FLT1: variants seen among roughly 807,000 people sequenced by gnomAD.
FLT1 encodes the protein vascular endothelial growth factor receptor 1.
A neutral mutation model predicts 156.3 loss-of-function variants in FLT1; 49 were observed. The ratio of observed to expected loss-of-function variants is 0.31; its 90% CI spans 0.25 to 0.40. The LOEUF is 0.40. Ranked by LOEUF, FLT1 falls within the 10% of genes least tolerant of loss-of-function variation. FLT1 has a pLI of 1.00. For synonymous variants in FLT1, 594 were observed against 583.8 expected, an observed-to-expected ratio of 1.02 and a Z score of -0.25; for missense variants, 1,322 against 1,637.2, an observed-to-expected ratio of 0.81 and a Z score of 3.32.
chr13:28,458,906 G>C (rs1879412626), intron 3 of FLT1, among the ~76,000 whole-genome samples: 1 of 152,202 alleles, frequency 6.6e-6, no homozygotes, highest in South Asian at 2.1e-4. Flanking sequence ...CCAGGATGTA[G>C]AGGGGTCTAT....
At position 28,349,470 on chromosome 13, in the gene FLT1, GCA is replaced by G. The variant is rs142131155; in HGVS notation, c.2249-3921_2249-3920del. 1.0e-3 allele frequency among the ~76,000 whole-genome samples: 152 copies of G among 145,184 alleles called. 1 individual carries two copies. Among genetic ancestry groups the G allele is most frequent in the African/African-American group, 3.6e-3 (142 of 39,282 alleles). ...CACACACACACACACATGCGCACAC[GCA>G]CACACACACACACGCACACATTCTT... is the stretch of plus-strand genomic sequence containing the variant. On this transcript the variant is annotated intron_variant, in intron 15 of 29. Transcript: ENST00000282397.
chr13:28,402,189 C>T (rs1000738819), intron 11 of FLT1, among the ~76,000 whole-genome samples: 14 of 152,262 alleles, frequency 9.2e-5, no homozygotes, highest in African/African-American at 2.6e-4. Context: ...GGTGCTCCAG[C>T]GTGAGTGTGA....
chr13:28,300,467 G>C lies in FLT1; in HGVS notation c.*2700C>G, dbSNP rs1319074125. On this transcript the variant is annotated 3_prime_UTR_variant, in exon 30 of 30. Coordinates refer to ENST00000282397, the MANE Select transcript of FLT1 (RefSeq NM_002019.4). ...GCATATATTCTTGGTTTGTATAAAA[G>C]TAACTTTAAAATTCCAGTTTCCTTA... 4.3e-6 allele frequency: 1 copy of C among 231,730 alleles called. No homozygotes were observed. Among genetic ancestry groups the C allele is most frequent in the Admixed American group, 5.7e-5 (1 of 17,696 alleles). 14.4% of individuals were successfully genotyped at this position (231,730 alleles called of 1,614,324 possible). A position where few individuals can be genotyped will look rare whatever the true frequency, so the allele number is the denominator to read the frequency against.
intron 14 of FLT1, among the ~76,000 whole-genome samples, chr13:28,372,150 T>C (rs571785692): frequency 3.6e-4 from 51 of 143,444 alleles, no homozygotes; most frequent in African/African-American, 1.3e-3. Context: ...GGAGCCATCT[T>C]GGCTCACTGC....
At chr13:28,431,467 A>G (rs1273539193) in intron 6 of FLT1, among the ~76,000 whole-genome samples, 157 bp from the exon 7 acceptor site, 1 of 152,236 alleles carries the variant, frequency 6.6e-6, no homozygotes, top group Non-Finnish European at 1.5e-5. Context: ...TTTGGAAACT[A>G]CATCTGTGTC....
At position 28,381,599 on chromosome 13, in the gene FLT1, G is replaced by T. The variant is rs796242815; in HGVS notation, c.2116+3286C>A. ...AACAAAACAAAAACAAAAAAACTTA[G>T]TACAGTTTACCAATTTCTTTCACAA... On this transcript the variant is annotated intron_variant, in intron 14 of 29. Coordinates refer to ENST00000282397, the MANE Select transcript of FLT1 (RefSeq NM_002019.4). 7.2e-5 allele frequency among the ~76,000 whole-genome samples: 11 copies of T among 152,122 alleles called. 1 individual carries two copies. Among genetic ancestry groups the T allele is most frequent in the African/African-American group, 2.4e-4 (10 of 41,516 alleles).
At chr13:28,413,279 G>A (rs1876427928) in intron 10 of FLT1, among the ~76,000 whole-genome samples, 1 of 152,086 alleles carries the variant, frequency 6.6e-6, no homozygotes, top group South Asian at 2.1e-4. Flanking sequence ...TTCACACTCA[G>A]AACATGGCCC....
At chr13:28,490,091 C>G (rs1048807726) in intron 1 of FLT1, among the ~76,000 whole-genome samples, 3 of 152,170 alleles carry the variant, frequency 2.0e-5, no homozygotes, top group African/African-American at 7.2e-5. Context: ...AGGTTCTGTT[C>G]CTAGGCCTGC....
intron 13 of FLT1, chr13:28,389,371 C>T (rs1031934476): frequency 7.9e-6 from 10 of 1,263,586 alleles, no homozygotes; most frequent in Middle Eastern, 3.0e-4. Context: ...GCAGCTTCAA[C>T]ACTTAAAAAT....
In FLT1 at chr13:28,362,355, A is replaced by G. The variant is rs146555025; in HGVS notation, c.2117-4670T>C. On this transcript the variant is annotated intron_variant, in intron 14 of 29. Transcript: ENST00000282397. ...GCATTGAAGCTTTGAGAAGTATAAGATATAGTACAAGTGGCAATCACAGAA... is the reference window on the plus strand; with the variant it reads ...GCATTGAAGCTTTGAGAAGTATAAGGTATAGTACAAGTGGCAATCACAGAA... Among the ~76,000 whole-genome samples the G allele has an allele frequency of 2.1e-3, 324 of 152,354 alleles. 2 individuals are homozygous for G. Among genetic ancestry groups the G allele is most frequent in the Non-Finnish European group, 2.2e-3 (147 of 68,038 alleles).
At chr13:28,426,130 C>CTTTTT (rs113958200) in intron 10 of FLT1, among the ~76,000 whole-genome samples, 2 of 131,124 alleles carry the variant, frequency 1.5e-5, no homozygotes, top group African/African-American at 5.6e-5. Flanking sequence ...TCCTGTCAAT[C>CTTTTT]TTTTTTTTTT....
intron 14 of FLT1, chr13:28,368,452 A>G (rs1873392009): frequency 6.7e-7 from 1 of 1,483,560 alleles, no homozygotes; most frequent in Non-Finnish European, 8.9e-7. Flanking sequence ...ATGCCCGGCC[A>G]TTTGTTATTG....
chr13:28,321,475 C>A lies in FLT1; in HGVS notation c.3162G>T (p.Val1054=). 6.2e-7 allele frequency: 1 copy of A among 1,614,110 alleles called. No homozygotes were observed. Among genetic ancestry groups the A allele is most frequent in the Non-Finnish European group, 8.5e-7 (1 of 1,180,014 alleles). The part of the protein sequence containing the change: ...ARDIYKNPDY[V]RKGDTRLPLK... The stretch of plus-strand genomic sequence containing the variant: ...CAAACTGACTTACATCTCCTTTTCT[C>A]ACATAATCGGGGTTCTTATAAATAT... Residue 1054 remains valine, a synonymous_variant, in exon 23 of 30, where the codon GTG becomes GTT. Coordinates refer to ENST00000282397, the MANE Select transcript of FLT1 (RefSeq NM_002019.4).
At chr13:28,461,329 C>T (rs1470402800) in intron 3 of FLT1, among the ~76,000 whole-genome samples, 8 of 152,126 alleles carry the variant, frequency 5.3e-5, no homozygotes, top group East Asian at 1.9e-4. Context: ...ACAACTAGCT[C>T]GTAGTTTGAT....
intron 3 of FLT1, among the ~76,000 whole-genome samples, chr13:28,442,937 T>A (rs753436917): frequency 3.9e-5 from 6 of 152,210 alleles, no homozygotes; most frequent in African/African-American, 7.2e-5. Context: ...ACATCTGTCT[T>A]TGTCACAAAA....
intron 3 of FLT1, among the ~76,000 whole-genome samples, chr13:28,446,958 T>C (rs1275448296): frequency 6.6e-6 from 1 of 152,046 alleles, no homozygotes; most frequent in Admixed American, 6.6e-5. Flanking sequence ...TGGAATAGAA[T>C]TGAGACTCCA....
At chr13:28,385,489 G>GT (rs558529899) in intron 13 of FLT1, 3 of 1,009,214 alleles carry the variant, frequency 3.0e-6, no homozygotes, top group Non-Finnish European at 3.6e-6. Flanking sequence ...GTGGGGGCGT[G>GT]TTTGTGTTAC....
At chr13:28,308,522 G>A (rs1870847868) in intron 28 of FLT1, 1 of 384,138 alleles carries the variant, frequency 2.6e-6, no homozygotes, top group Non-Finnish European at 5.0e-6. Context: ...CACACAGCTG[G>A]GAGTTCCTCT....
chr13:28,326,089 T>G (rs1289197560), intron 20 of FLT1, among the ~76,000 whole-genome samples: 1 of 152,152 alleles, frequency 6.6e-6, no homozygotes, highest in East Asian at 1.9e-4. Context: ...ACTCACCCAA[T>G]TTTTCTATCT....
Sources: gnomAD v4.1 joint callset for allele counts (sites outside exome capture counted in the v4.1 genomes callset) on GRCh38, gnomAD v4.1.1 for gene constraint, MANE v1.5 for transcripts, NCBI Gene and HGNC (gene_info 2026-07-23, HGNC 2026-07-21) for gene names.